Variants in SNX30 observed in about 807,000 individuals in gnomAD.
SNX30 encodes sorting nexin family member 30, also known as sorting nexin-30.
Under a neutral mutation model 46.4 loss-of-function variants are expected in SNX30, and 24 were observed. The ratio of observed to expected loss-of-function variants is 0.52; its 90% confidence interval spans 0.37 to 0.73. The LOEUF (loss-of-function observed/expected upper bound fraction) is 0.73, where lower values mean the gene tolerates loss of function less well. SNX30 is among the 30% of genes least tolerant of loss of function. The pLI is 0.00. For missense variants in SNX30, 533 were observed against 555.7 expected (o/e 0.96, Z 0.41); for synonymous variants, 189 against 211.5 (o/e 0.89, Z 0.92).
chr9:112,786,262 C>T (rs935274844), intron 1 of SNX30, among the ~76,000 whole-genome samples: 8 of 151,958 alleles, frequency 5.3e-5, no homozygotes, highest in South Asian at 2.1e-4. Context: ...GGACTATAGC[C>T]GTGCACCATC....
At chr9:112,778,491 C>G (rs541321218) in intron 1 of SNX30, among the ~76,000 whole-genome samples, 4 of 152,070 alleles carry the variant, frequency 2.6e-5, no homozygotes, top group African/African-American at 9.7e-5. Flanking sequence ...AGGCTGGTCG[C>G]GAACTCCTGA....
At chr9:112,861,066 G>A (rs1841220062) in intron 7 of SNX30, among the ~76,000 whole-genome samples, 1 of 152,292 alleles carries the variant, frequency 6.6e-6, no homozygotes, top group South Asian at 2.1e-4. Flanking sequence ...CAGCAGGAAG[G>A]GAGCTGACTG....
chr9:112,777,600 ATTTTTTTTTTT>A (rs55784760), intron 1 of SNX30, among the ~76,000 whole-genome samples: 40 of 75,602 alleles, frequency 5.3e-4, no homozygotes, highest in South Asian at 1.7e-3. Flanking sequence ...CTAGTTTTTA[ATTTTTTTTTTT>A]TTTTTTTTTT....
chr9:112,838,386 C>G, intron 5 of SNX30, 112 bp from the exon 6 acceptor site: 5 of 862,672 alleles, frequency 5.8e-6, no homozygotes, highest in Non-Finnish European at 9.0e-6. Context: ...GAGTGAATGG[C>G]CAAAGAAACA....
At chr9:112,781,649 T>A (rs1423510660) in intron 1 of SNX30, among the ~76,000 whole-genome samples, 1 of 152,132 alleles carries the variant, frequency 6.6e-6, no homozygotes, top group Non-Finnish European at 1.5e-5. Flanking sequence ...TTTTTTTTTT[T>A]AAGACAGATT....
At chr9:112,854,221 C>T (rs1841082370) in intron 7 of SNX30, among the ~76,000 whole-genome samples, 1 of 152,242 alleles carries the variant, frequency 6.6e-6, no homozygotes, top group African/African-American at 2.4e-5. Flanking sequence ...ACACACCAGG[C>T]TTGGAGCAGT....
intron 6 of SNX30, among the ~76,000 whole-genome samples, chr9:112,839,623 G>C (rs952262972): frequency 6.6e-6 from 1 of 152,150 alleles, no homozygotes; most frequent in African/African-American, 2.4e-5. Context: ...CCGACGATGG[G>C]GGCACTGATT....
rs1454306611 is a variant in SNX30, at chr9:112,867,090, T to C, written c.1255-1694T>C. ...CTATTCCCACCTCCTCAGAATTCCT[T>C]CTCCCTCCTCAGAACTCCTCCCACC... On this transcript the variant is annotated intron_variant, in intron 8 of 8. Coordinates refer to ENST00000374232, the MANE Select transcript of SNX30 (RefSeq NM_001012994.2). Among the ~76,000 whole-genome samples the C allele has an allele frequency of 5.0e-3, 274 of 55,196 alleles. No individual in the cohort carries two copies. The Middle Eastern group carries it at 0.05, about 10-fold the overall frequency. The allele number at this position is 55,196 out of a possible 152,430, so 36.2% of individuals were successfully genotyped here.
downstream of SNX30, among the ~76,000 whole-genome samples, chr9:112,882,477 T>A (rs1350270661): frequency 6.6e-6 from 1 of 152,180 alleles, no homozygotes; most frequent in Non-Finnish European, 1.5e-5. Flanking sequence ...GGACATGACC[T>A]GATTCACACT....
At chr9:112,820,397 G>A (rs1164559224) in intron 3 of SNX30, among the ~76,000 whole-genome samples, 1 of 152,120 alleles carries the variant, frequency 6.6e-6, no homozygotes, top group Non-Finnish European at 1.5e-5. Flanking sequence ...TGTTATTTAA[G>A]TGTCATCTTT....
intron 1 of SNX30, among the ~76,000 whole-genome samples, chr9:112,751,414 C>T (rs1052350149): frequency 6.6e-6 from 1 of 152,188 alleles, no homozygotes; most frequent in Admixed American, 6.5e-5. Flanking sequence ...GGGGTCCAGC[C>T]TGCGTGTTGG....
chr9:112,785,798 G>T (rs1251830720), intron 1 of SNX30, among the ~76,000 whole-genome samples: 1 of 152,124 alleles, frequency 6.6e-6, no homozygotes, highest in Non-Finnish European at 1.5e-5. Flanking sequence ...CTCCCAAAGT[G>T]CTAGGATTAC....
intron 8 of SNX30, among the ~76,000 whole-genome samples, chr9:112,867,606 C>T (rs1453882885): frequency 6.6e-6 from 1 of 151,364 alleles, no homozygotes; most frequent in African/African-American, 2.4e-5. Context: ...CAGGATTCCT[C>T]TTCAGAGCTC....
intron 1 of SNX30, among the ~76,000 whole-genome samples, chr9:112,757,473 T>C (rs1839369257): frequency 6.6e-6 from 1 of 152,228 alleles, no homozygotes. Context: ...GGAGTGCAGA[T>C]ATCTTTATGA....
intron 1 of SNX30, among the ~76,000 whole-genome samples, chr9:112,774,841 A>G (rs556140282): frequency 6.7e-4 from 93 of 139,278 alleles, no homozygotes; most frequent in Non-Finnish European, 1.1e-3. Context: ...AGTTATTTAT[A>G]TGCTTTTTTT....
intron 1 of SNX30, among the ~76,000 whole-genome samples, chr9:112,768,493 AG>A (rs1452821216): frequency 2.0e-5 from 3 of 152,162 alleles, no homozygotes; most frequent in Non-Finnish European, 4.4e-5. Context: ...TCTTAGAACA[AG>A]GTTATCAGTC....
rs1213746639 is a variant in SNX30, at chr9:112,873,752, A to G, written c.*4909A>G. 2 of 152,194 alleles carry G rather than the reference A, an allele frequency of 1.3e-5. No homozygotes were observed. Among genetic ancestry groups the G allele is most frequent in the African/African-American group, 2.4e-5 (1 of 41,442 alleles). The allele number at this position is 152,194 out of a possible 1,614,324, so 9.4% of individuals were successfully genotyped here. ...GAAACAAAGAATGCTATAGATGACAACAGTATTAAATGTTACTCCTGATTC... is the reference window on the plus strand; with the variant it reads ...GAAACAAAGAATGCTATAGATGACAGCAGTATTAAATGTTACTCCTGATTC... On this transcript the variant is annotated 3_prime_UTR_variant, in exon 9 of 9. Coordinates refer to ENST00000374232, the MANE Select transcript of SNX30 (RefSeq NM_001012994.2).
In SNX30 at chr9:112,870,858, A is replaced by G. The variant is rs746462547; in HGVS notation, c.*2015A>G. On this transcript the variant is annotated 3_prime_UTR_variant, in exon 9 of 9. Coordinates refer to ENST00000374232, the MANE Select transcript of SNX30 (RefSeq NM_001012994.2). ...TAGGAAGCTTTACCTTGGGGAAGGT[A>G]TGCTTTACAAATGTCCAGTGTAATG... The G allele has an allele frequency of 6.6e-6, 1 of 152,252 alleles. No homozygotes were observed. Among genetic ancestry groups the G allele is most frequent in the South Asian group, 2.1e-4 (1 of 4,834 alleles). The allele number at this position is 152,252 out of a possible 1,614,324, so 9.4% of individuals were successfully genotyped here.
intron 7 of SNX30, among the ~76,000 whole-genome samples, chr9:112,860,648 G>C (rs1298679834): frequency 6.6e-6 from 1 of 152,182 alleles, no homozygotes. Flanking sequence ...GCAATCTCAT[G>C]CTAATATGTA....
Sources: gnomAD v4.1 joint callset for allele counts (sites outside exome capture counted in the v4.1 genomes callset) on GRCh38, gnomAD v4.1.1 for gene constraint, MANE v1.5 for transcripts, NCBI Gene and HGNC (gene_info 2026-07-23, HGNC 2026-07-21) for gene names.